The following INPP4B variants were observed in gnomAD, a reference collection of about 807,000 sequenced individuals.
The protein encoded by INPP4B is inositol polyphosphate-4-phosphatase type II B.
In INPP4B, 55 loss-of-function variants were observed where a neutral mutation model predicts 122.5. The observed-to-expected ratio is 0.45, with a 90% CI of 0.36 to 0.56. INPP4B has a LOEUF of 0.56. Among genes scored for constraint, INPP4B ranks in the 20% least tolerant of loss-of-function variants. The probability of loss-of-function intolerance (pLI) is 0.00; values close to 1 mark genes in which losing one functional copy is unlikely to be tolerated. For synonymous variants in INPP4B, 403 were observed against 388.7 expected (o/e 1.04, Z -0.43); for missense variants, 1,000 against 1,097.7 (o/e 0.91, Z 1.26).
chr4:142,484,546 T>C (rs1415748482), intron 2 of INPP4B, among the ~76,000 whole-genome samples: 1 of 152,084 alleles, frequency 6.6e-6, no homozygotes, highest in African/African-American at 2.4e-5. Flanking sequence ...TAAAAAGCAA[T>C]TTAAACAATA....
chr4:142,162,217 A>C lies in INPP4B; in HGVS notation c.1360-1656T>G, dbSNP rs567642285. On this transcript the variant is annotated intron_variant, in intron 16 of 25. Transcript: ENST00000262992. Reference sequence around the variant, plus strand: ...AAAGATTGAAAAATATTTCAGAATAAATCAGAAAAACAAAATAAAAAGCAG... The same window carrying C: ...AAAGATTGAAAAATATTTCAGAATACATCAGAAAAACAAAATAAAAAGCAG... Among the ~76,000 whole-genome samples, 5 of 151,674 alleles carry C rather than the reference A, an allele frequency of 3.3e-5. No homozygotes were observed. In the South Asian group the frequency reaches 1.0e-3, roughly 31 times the overall value.
intron 11 of INPP4B, among the ~76,000 whole-genome samples, chr4:142,252,393 T>C (rs1265147274): frequency 6.6e-6 from 1 of 151,912 alleles, no homozygotes; most frequent in Non-Finnish European, 1.5e-5. Flanking sequence ...TTTCGCCGTG[T>C]TAGCCAGGAT....
intron 2 of INPP4B, among the ~76,000 whole-genome samples, chr4:142,623,650 G>A (rs1293000799): frequency 6.6e-6 from 1 of 151,762 alleles, no homozygotes; most frequent in African/African-American, 2.4e-5. Flanking sequence ...CATGTGCCAT[G>A]CTCGTGTGCT....
At chr4:142,842,267 T>G (rs2151214973) in intron 1 of INPP4B, among the ~76,000 whole-genome samples, 1 of 151,644 alleles carries the variant, frequency 6.6e-6, no homozygotes, top group South Asian at 2.1e-4. Context: ...ATACTGCAAC[T>G]CAAGAAACTC....
intron 2 of INPP4B, among the ~76,000 whole-genome samples, chr4:142,646,638 C>A (rs977238417): frequency 1.3e-5 from 2 of 152,094 alleles, no homozygotes; most frequent in African/African-American, 4.8e-5. Context: ...ATGTGTTTCA[C>A]CAATGAAAGC....
At chr4:142,256,852 TTA>T in intron 11 of INPP4B, among the ~76,000 whole-genome samples, 1 of 152,310 alleles carries the variant, frequency 6.6e-6, no homozygotes, top group South Asian at 2.1e-4. Flanking sequence ...CTAACTCATT[TTA>T]TGAGGCCAGC....
chr4:142,523,640 A>G (rs1187972477), intron 2 of INPP4B, among the ~76,000 whole-genome samples: 1 of 152,026 alleles, frequency 6.6e-6, no homozygotes, highest in African/African-American at 2.4e-5. Context: ...TCTTTTTTCA[A>G]TAAAAGTATG....
intron 2 of INPP4B, among the ~76,000 whole-genome samples, chr4:142,567,363 G>A (rs943343678): frequency 1.3e-5 from 2 of 152,100 alleles, no homozygotes; most frequent in African/African-American, 4.8e-5. Context: ...GAGGGGCAGG[G>A]CAGATGTCGC....
intron 7 of INPP4B, among the ~76,000 whole-genome samples, chr4:142,371,156 A>C (rs529746729): frequency 1.1e-3 from 173 of 152,296 alleles, no homozygotes; most frequent in African/African-American, 3.9e-3. Flanking sequence ...AAAGGTACCA[A>C]AAATGTACAC....
chr4:142,159,850 C>G (rs1290274555), intron 17 of INPP4B, among the ~76,000 whole-genome samples: 3 of 152,018 alleles, frequency 2.0e-5, no homozygotes. Context: ...CTTCTGTAAA[C>G]TTTAGAGCAC....
At chr4:142,707,402 G>A (rs772514550) in intron 2 of INPP4B, among the ~76,000 whole-genome samples, 4 of 152,200 alleles carry the variant, frequency 2.6e-5, no homozygotes, top group Non-Finnish European at 4.4e-5. Context: ...TTTCTGATAT[G>A]GTTTGGATTT....
rs28775380 is a variant in INPP4B, at chr4:142,257,799, T to C, written c.688+2693A>G. On this transcript the variant is annotated intron_variant, in intron 11 of 25. Transcript: ENST00000262992. The stretch of plus-strand genomic sequence containing the variant: ...TGCCCAAGGTAATTTATAGATTCAA[T>C]GCCATCCCCATCAAGCTACAAATGA... Among the ~76,000 whole-genome samples the C allele has an allele frequency of 2.0e-3, 304 of 152,120 alleles. 3 individuals are homozygous for C. The highest frequency in any genetic ancestry group is 7.0e-3 in the African/African-American group (290 of 41,550).
chr4:142,415,330 G>A lies in INPP4B; in HGVS notation c.137-10006C>T, dbSNP rs149771628. Among the ~76,000 whole-genome samples, 505 of 152,248 alleles carry A rather than the reference G, an allele frequency of 3.3e-3. 7 individuals carry two copies. The highest frequency in any genetic ancestry group is 0.011 in the African/African-American group (472 of 41,544). ...CAGTTACCAAAGGTGGATGGCTAAG[G>A]GGAGTGGACTCAAGATGGCTGGACT... On this transcript the variant is annotated intron_variant, in intron 5 of 25. Coordinates refer to ENST00000262992, the MANE Select transcript of INPP4B (RefSeq NM_001101669.3).
intron 2 of INPP4B, among the ~76,000 whole-genome samples, chr4:142,645,812 C>T (rs1444193069): frequency 6.6e-6 from 1 of 152,094 alleles, no homozygotes; most frequent in African/African-American, 2.4e-5. Context: ...TGGAACCTGG[C>T]CTAATTAATA....
chr4:142,255,385 C>G (rs1735250530), intron 11 of INPP4B, among the ~76,000 whole-genome samples: 1 of 152,028 alleles, frequency 6.6e-6, no homozygotes, highest in Non-Finnish European at 1.5e-5. Flanking sequence ...GGACTAAATG[C>G]TCCAGTTAAA....
chr4:142,477,684 T>C lies in INPP4B; in HGVS notation c.-190-14958A>G, dbSNP rs189666924. On this transcript the variant is annotated intron_variant, in intron 2 of 25. Transcript: ENST00000262992. ...CCCAAACTTAAAACCCTGGAAGAAATTGCTAAATTCCTGGAAACATACAGC... is the reference window on the plus strand; with the variant it reads ...CCCAAACTTAAAACCCTGGAAGAAACTGCTAAATTCCTGGAAACATACAGC... Among the ~76,000 whole-genome samples the C allele has an allele frequency of 2.1e-3, 315 of 152,136 alleles. 1 individual carries two copies. Among genetic ancestry groups the C allele is most frequent in the Non-Finnish European group, 3.6e-3 (243 of 67,994 alleles).
At chr4:142,100,769 G>A (rs1455604948) in intron 23 of INPP4B, among the ~76,000 whole-genome samples, 3 of 152,202 alleles carry the variant, frequency 2.0e-5, no homozygotes. Flanking sequence ...AGAGCATGAT[G>A]ATGAAGGGGC....
chr4:142,660,382 A>G (rs913414376), intron 2 of INPP4B, among the ~76,000 whole-genome samples: 6 of 152,110 alleles, frequency 3.9e-5, no homozygotes, highest in Non-Finnish European at 4.4e-5. Flanking sequence ...GTAGCCATTC[A>G]TCTTCAGTCT....
chr4:142,634,919 T>C (rs528333752), intron 2 of INPP4B, among the ~76,000 whole-genome samples: 1 of 152,190 alleles, frequency 6.6e-6, no homozygotes, highest in East Asian at 1.9e-4. Flanking sequence ...ATTCAAAAGA[T>C]TCTATGATGC....
Sources: allele counts gnomAD v4.1 joint callset (sites outside exome capture counted in the v4.1 genomes callset), GRCh38; gene constraint gnomAD v4.1.1; transcripts MANE v1.5; gene names NCBI Gene and HGNC (gene_info 2026-07-23, HGNC 2026-07-21).